The following SLIT2 variants were observed in gnomAD, a reference collection of about 807,000 sequenced individuals.
SLIT2 encodes slit guidance ligand 2.
SLIT2 carries 41 observed loss-of-function variants against 185.7 expected under a neutral mutation model. The ratio of observed to expected loss-of-function variants is 0.22; its 90% confidence interval spans 0.17 to 0.29. The LOEUF (loss-of-function observed/expected upper bound fraction) is 0.29. Among genes scored for constraint, SLIT2 ranks in the 10% least tolerant of loss-of-function variants. The pLI is 1.00. For missense variants in SLIT2, 1,571 were observed against 1,909.0 expected (o/e 0.82, Z 3.30); for synonymous variants, 693 against 680.2 (o/e 1.02, Z -0.29).
At chr4:20,255,022 C>T (rs556397233) in intron 1 of SLIT2, 4 of 456,192 alleles carry the variant, frequency 8.8e-6, no homozygotes, top group South Asian at 4.6e-5. Context: ...GCATGGAGGC[C>T]GTTCTCTTTG....
intron 4 of SLIT2, among the ~76,000 whole-genome samples, chr4:20,351,824 G>T (rs1246858043): frequency 6.6e-6 from 1 of 152,180 alleles, no homozygotes; most frequent in Non-Finnish European, 1.5e-5. Flanking sequence ...AACTCAGTTT[G>T]TTTATGATTA....
At chr4:20,268,348 T>A (rs896255143) in intron 3 of SLIT2, among the ~76,000 whole-genome samples, 1 of 151,804 alleles carries the variant, frequency 6.6e-6, no homozygotes, top group Non-Finnish European at 1.5e-5. Flanking sequence ...CTTTTTTTTT[T>A]TTCCTCCCAA....
At chr4:20,406,648 AACTG>A (rs1726799932) in intron 4 of SLIT2, among the ~76,000 whole-genome samples, 1 of 144,664 alleles carries the variant, frequency 6.9e-6, no homozygotes, top group Non-Finnish European at 1.5e-5. Flanking sequence ...TTAAAAAATA[AACTG>A]ACAGCACCAG....
At chr4:20,395,004 CAG>C (rs1244577273) in intron 4 of SLIT2, 2 of 151,930 alleles carry the variant, frequency 1.3e-5, no homozygotes, top group Non-Finnish European at 2.9e-5. Flanking sequence ...CGTGATGACT[CAG>C]AGTCTCTGGT....
intron 4 of SLIT2, among the ~76,000 whole-genome samples, chr4:20,428,077 A>C (rs1012320604): frequency 6.6e-6 from 1 of 152,216 alleles, no homozygotes; most frequent in East Asian, 1.9e-4. Flanking sequence ...TCTCACAGGG[A>C]GTAAAAGAAG....
chr4:20,255,143 G>C, intron 1 of SLIT2: 1 of 430,116 alleles, frequency 2.3e-6, no homozygotes, highest in Non-Finnish European at 4.6e-6. Context: ...AGGCCGGCAG[G>C]GGCCAGCGCG....
chr4:20,423,932 T>C (rs2109473957), intron 4 of SLIT2, among the ~76,000 whole-genome samples: 1 of 152,252 alleles, frequency 6.6e-6, no homozygotes, highest in Middle Eastern at 3.4e-3. Flanking sequence ...CAACTTGATA[T>C]ACGAATTTCA....
intron 3 of SLIT2, among the ~76,000 whole-genome samples, chr4:20,261,969 A>G (rs1712522608): frequency 1.3e-5 from 2 of 151,714 alleles, no homozygotes; most frequent in South Asian, 4.1e-4. Context: ...TTGAAATGAC[A>G]TTTTTCCCAC....
rs1404231392 is a variant in SLIT2 at position 20,362,645 on chromosome 4, ATCT to A, written c.395+93769_395+93771del. ...TTTTGTATTTTTTAAAATAACGTGT[ATCT>A]TCTTTTTAGCTTGCATAAATATGTT... On this transcript the variant is annotated intron_variant, in intron 4 of 36. Transcript: ENST00000504154. Among the ~76,000 whole-genome samples the A allele has an allele frequency of 1.1e-4, 17 of 151,754 alleles. 1 individual carries two copies. The highest frequency in any genetic ancestry group is 1.5e-5 in the Non-Finnish European group (1 of 67,920).
chr4:20,337,513 T>G (rs10006112), intron 4 of SLIT2, among the ~76,000 whole-genome samples: 131,286 of 152,114 alleles, frequency 0.86, 56,802 homozygotes, highest in African/African-American at 0.9. Flanking sequence ...GAATTTAAGA[T>G]GAGATTTGAT....
intron 4 of SLIT2, among the ~76,000 whole-genome samples, chr4:20,327,098 A>G (rs188389114): frequency 6.6e-5 from 10 of 152,066 alleles, no homozygotes; most frequent in African/African-American, 2.2e-4. Flanking sequence ...TATTATTCAT[A>G]TTCTTTCCAG....
chr4:20,484,544 G>A lies in SLIT2; in HGVS notation c.540-1656G>A, dbSNP rs1018146801. Among the ~76,000 whole-genome samples, 3 of 151,974 alleles carry A rather than the reference G, an allele frequency of 2.0e-5. No individual in the cohort carries two copies. Among genetic ancestry groups the A allele is most frequent in the Non-Finnish European group, 2.9e-5 (2 of 67,994 alleles). On this transcript the variant is annotated intron_variant, in intron 6 of 36. Transcript: ENST00000504154. This position sits in a 1 kb window ranked among gnomAD's most constrained non-coding sequence, Gnocchi z 4.3. ...GGTAAAGAGGGTCCATGCATGATCTGGGTCTCTAGCTGACATGCCCTGTTT... is the reference window on the plus strand; with the variant it reads ...GGTAAAGAGGGTCCATGCATGATCTAGGTCTCTAGCTGACATGCCCTGTTT...
chr4:20,313,473 C>A (rs1317541188), intron 4 of SLIT2, among the ~76,000 whole-genome samples: 1 of 152,180 alleles, frequency 6.6e-6, no homozygotes, highest in Non-Finnish European at 1.5e-5. Context: ...CCCACTAGGT[C>A]CCACCTCCCA....
At chr4:20,518,676 C>G (rs1291664187) in intron 11 of SLIT2, among the ~76,000 whole-genome samples, 2 of 113,222 alleles carry the variant, frequency 1.8e-5, no homozygotes, top group Admixed American at 2.1e-4. Context: ...GCGATCTCGG[C>G]TCACTGCAAG....
At chr4:20,322,171 T>C (rs1436580794) in intron 4 of SLIT2, among the ~76,000 whole-genome samples, 1 of 152,164 alleles carries the variant, frequency 6.6e-6, no homozygotes, top group Admixed American at 6.5e-5. Flanking sequence ...CCTCCAAATC[T>C]CAGACAGGTT....
rs4426773 is a variant in SLIT2, at chr4:20,412,761, A to G, written c.396-54991A>G. Among the ~76,000 whole-genome samples the G allele has an allele frequency of 1.6e-3, 237 of 152,210 alleles. 7 individuals are homozygous for G. In the East Asian group the frequency reaches 0.041, roughly 26 times the overall value. ...ATAGAGTTATGTAATCATCACCACTATCTAATTTTAAGACTATTTTCCATA... is the reference window on the plus strand; with the variant it reads ...ATAGAGTTATGTAATCATCACCACTGTCTAATTTTAAGACTATTTTCCATA... On this transcript the variant is annotated intron_variant, in intron 4 of 36. Coordinates refer to ENST00000504154, the MANE Select transcript of SLIT2 (RefSeq NM_004787.4).
At chr4:20,297,696 G>A (rs1242675598) in intron 4 of SLIT2, among the ~76,000 whole-genome samples, 1 of 151,984 alleles carries the variant, frequency 6.6e-6, no homozygotes, top group Non-Finnish European at 1.5e-5. Flanking sequence ...AAATCTCATG[G>A]GTTTTTGTGA....
chr4:20,496,366 A>G (rs1718229054), intron 9 of SLIT2, among the ~76,000 whole-genome samples: 1 of 152,230 alleles, frequency 6.6e-6, no homozygotes, highest in Admixed American at 6.5e-5. Context: ...GACATTTATT[A>G]AATACTTGCA....
At chr4:20,291,484 ATATATATATTTTTTTTTTTTTTT>A (rs1241809846) in intron 4 of SLIT2, among the ~76,000 whole-genome samples, 7 of 10,514 alleles carry the variant, frequency 6.7e-4, no homozygotes, top group Non-Finnish European at 8.1e-4. Flanking sequence ...ATATATATAT[ATATATATATTTTTTTTTTTTTTT>A]TTTTTTTTTT....
Sources: gnomAD v4.1 joint callset for allele counts (sites outside exome capture counted in the v4.1 genomes callset) on GRCh38, gnomAD v4.1.1 for gene constraint, Gnocchi (gnomAD v3.1) non-coding constraint, MANE v1.5 for transcripts, NCBI Gene and HGNC (gene_info 2026-07-23, HGNC 2026-07-21) for gene names.